Variants in NKAIN2 observed in about 807,000 individuals in gnomAD.
NKAIN2 encodes sodium/potassium-transporting ATPase subunit beta-1-interacting protein 2.
A neutral mutation model predicts 32.6 loss-of-function variants in NKAIN2; 14 were observed. That is an observed-to-expected ratio of 0.43 (90% CI 0.28 to 0.67). The LOEUF is 0.67. Among genes scored for constraint, NKAIN2 ranks in the 30% least tolerant of loss-of-function variants. NKAIN2 has a pLI of 0.17. For synonymous variants in NKAIN2, 80 were observed against 87.2 expected (o/e 0.92, Z 0.46); for missense variants, 198 against 258.3 (o/e 0.77, Z 1.60).
In NKAIN2 at chr6:124,501,445, A is replaced by G. The variant is rs372260838; in HGVS notation, c.273+146098A>G. Among the ~76,000 whole-genome samples the G allele has an allele frequency of 5.8e-4, 89 of 152,320 alleles. 1 individual carries two copies. The highest frequency in any genetic ancestry group is 2.1e-3 in the African/African-American group (88 of 41,568). On this transcript the variant is annotated intron_variant, in intron 3 of 6. Coordinates refer to ENST00000368417, the MANE Select transcript of NKAIN2 (RefSeq NM_001040214.3). The stretch of plus-strand genomic sequence containing the variant: ...ATTAGCCGTAATGGAAGGGAAAGAA[A>G]GAAAAAAAACAAAACAAAAACATTT...
chr6:124,501,569 C>A (rs1290327183), intron 3 of NKAIN2, among the ~76,000 whole-genome samples: 4 of 152,148 alleles, frequency 2.6e-5, no homozygotes, highest in Admixed American at 2.0e-4. Flanking sequence ...ATCTTCCCAG[C>A]CCTTTCATTC....
chr6:124,818,703 C>G (rs1781274818), intron 6 of NKAIN2, among the ~76,000 whole-genome samples: 1 of 152,004 alleles, frequency 6.6e-6, no homozygotes, highest in African/African-American at 2.4e-5. Context: ...ATAAGTATCA[C>G]CTACATGGCT....
intron 1 of NKAIN2, among the ~76,000 whole-genome samples, chr6:124,078,176 A>G (rs1783784537): frequency 6.6e-6 from 1 of 152,124 alleles, no homozygotes; most frequent in Non-Finnish European, 1.5e-5. Flanking sequence ...GAATTAATAA[A>G]ATTTTTCTAG....
chr6:124,055,869 A>G (rs1451041302), intron 1 of NKAIN2, among the ~76,000 whole-genome samples: 3 of 152,112 alleles, frequency 2.0e-5, no homozygotes, highest in Non-Finnish European at 4.4e-5. Flanking sequence ...AATAGGTTCA[A>G]GCACCTTAAA....
intron 4 of NKAIN2, among the ~76,000 whole-genome samples, chr6:124,781,207 G>A (rs1290879659): frequency 6.6e-6 from 1 of 152,098 alleles, no homozygotes; most frequent in Admixed American, 6.6e-5. Context: ...AAAATGAGAA[G>A]CATAGGATTT....
intron 3 of NKAIN2, among the ~76,000 whole-genome samples, chr6:124,533,308 A>T (rs1779594375): frequency 6.6e-6 from 1 of 151,736 alleles, no homozygotes; most frequent in South Asian, 2.1e-4. Context: ...CGTCTGTACT[A>T]AAAATACAAA....
At chr6:123,827,154 T>C in intron 1 of NKAIN2, among the ~76,000 whole-genome samples, 1 of 152,168 alleles carries the variant, frequency 6.6e-6, no homozygotes, top group East Asian at 1.9e-4. Flanking sequence ...TGGAGAAATG[T>C]CTATTCAAGT....
chr6:124,677,130 A>T (rs1773398581), intron 4 of NKAIN2, among the ~76,000 whole-genome samples: 1 of 151,998 alleles, frequency 6.6e-6, no homozygotes, highest in Non-Finnish European at 1.5e-5. Context: ...CACCACACCC[A>T]GCTAATTTTT....
chr6:124,058,915 C>G (rs1782790228), intron 1 of NKAIN2, among the ~76,000 whole-genome samples: 1 of 151,922 alleles, frequency 6.6e-6, no homozygotes, highest in Non-Finnish European at 1.5e-5. Context: ...TGTTCCTTTA[C>G]AGGAAAAGTT....
chr6:124,043,388 T>G (rs1446932860), intron 1 of NKAIN2, among the ~76,000 whole-genome samples: 1 of 152,010 alleles, frequency 6.6e-6, no homozygotes, highest in South Asian at 2.1e-4. Context: ...TTAAGGATAT[T>G]TATTTACAGG....
intron 1 of NKAIN2, among the ~76,000 whole-genome samples, chr6:124,180,306 G>A (rs1179475091): frequency 2.0e-5 from 3 of 152,164 alleles, no homozygotes; most frequent in Non-Finnish European, 4.4e-5. Flanking sequence ...TGAAAGGCAG[G>A]CAAAGGAGGA....
At chr6:124,712,192 C>T (rs572045795) in intron 4 of NKAIN2, among the ~76,000 whole-genome samples, 41 of 150,518 alleles carry the variant, frequency 2.7e-4, no homozygotes, top group East Asian at 1.4e-3. Context: ...TCTCCAGCTG[C>T]GTGCTGGGAG....
At chr6:124,438,484 G>T (rs1775554783) in intron 3 of NKAIN2, among the ~76,000 whole-genome samples, 1 of 152,124 alleles carries the variant, frequency 6.6e-6, no homozygotes, top group Non-Finnish European at 1.5e-5. Flanking sequence ...ACTCTTAACT[G>T]TGCTTCCTTC....
At chr6:124,230,609 G>A (rs886404823) in intron 1 of NKAIN2, among the ~76,000 whole-genome samples, 1 of 152,132 alleles carries the variant, frequency 6.6e-6, no homozygotes, top group African/African-American at 2.4e-5. Flanking sequence ...TAGGGACTTG[G>A]TGCCCTATGT....
intron 3 of NKAIN2, among the ~76,000 whole-genome samples, chr6:124,523,822 A>G (rs1779212949): frequency 1.3e-5 from 2 of 152,194 alleles, no homozygotes; most frequent in African/African-American, 4.8e-5. Flanking sequence ...AGGTCTTCAA[A>G]GAAGACACAA....
At chr6:123,844,328 G>A (rs1775006140) in intron 1 of NKAIN2, among the ~76,000 whole-genome samples, 2 of 151,994 alleles carry the variant, frequency 1.3e-5, no homozygotes, top group South Asian at 4.2e-4. Context: ...TATGAGAGAG[G>A]AATTAGTTTT....
chr6:124,665,794 A>G (rs1007227724), intron 4 of NKAIN2, among the ~76,000 whole-genome samples: 3 of 152,184 alleles, frequency 2.0e-5, no homozygotes, highest in Non-Finnish European at 4.4e-5. Flanking sequence ...AGGCCCTGAG[A>G]GTCATTTCCT....
intron 4 of NKAIN2, among the ~76,000 whole-genome samples, chr6:124,711,717 C>A (rs942046759): frequency 6.6e-6 from 1 of 151,822 alleles, no homozygotes; most frequent in Non-Finnish European, 1.5e-5. Flanking sequence ...GTTATACATT[C>A]TTCTAATTTT....
rs538865031 is a variant in NKAIN2 at position 124,731,623 on chromosome 6, T to G, written c.475-59716T>G. On this transcript the variant is annotated intron_variant, in intron 4 of 6. Transcript: ENST00000368417. ...TACCTAATGCTAGATGACGAGTTAG[T>G]GGGTGCAGTGCACCAGCATGGCACA... Among the ~76,000 whole-genome samples the G allele has an allele frequency of 4.0e-5, 6 of 149,012 alleles. No individual in the cohort carries two copies. The South Asian group carries it at 1.3e-3, about 33-fold the overall frequency.
Sources: allele counts gnomAD v4.1 joint callset (sites outside exome capture counted in the v4.1 genomes callset), GRCh38; gene constraint gnomAD v4.1.1; transcripts MANE v1.5; gene names NCBI Gene and HGNC (gene_info 2026-07-23, HGNC 2026-07-21).